Variants in SHROOM4 observed in about 807,000 individuals in gnomAD.
The protein encoded by SHROOM4 is protein Shroom4.
SHROOM4 carries 17 observed loss-of-function variants against 80.3 expected under a neutral mutation model. That is an observed-to-expected ratio of 0.21 (90% CI 0.14 to 0.32). The LOEUF (loss-of-function observed/expected upper bound fraction) is 0.32. SHROOM4 is among the 10% of genes least tolerant of loss of function. The pLI, the probability that SHROOM4 is intolerant of heterozygous loss-of-function variation, is 1.00. For missense variants in SHROOM4, 993 were observed against 1,140.3 expected (o/e 0.87, Z 1.86); for synonymous variants, 400 against 437.5 (o/e 0.91, Z 1.07).
intron 2 of SHROOM4, among the ~76,000 whole-genome samples, chrX:50,638,902 G>A (rs1203607819): frequency 8.9e-6 from 1 of 112,656 alleles, no homozygotes; most frequent in Non-Finnish European, 1.9e-5. Context: ...ACAAAGCATG[G>A]GATAGGTATT....
intron 1 of SHROOM4, among the ~76,000 whole-genome samples, chrX:50,793,143 A>G (rs1935887017): frequency 9.1e-6 from 1 of 110,142 alleles, no homozygotes; most frequent in Non-Finnish European, 1.9e-5. Context: ...AACAACATAG[A>G]TAAGTCTGGA....
At chrX:50,584,419 T>C (rs1198494917), downstream of SHROOM4, among the ~76,000 whole-genome samples, 1 of 111,695 alleles carries the variant, frequency 9.0e-6, no homozygotes, top group African/African-American at 3.3e-5. Flanking sequence ...ATGCAGAGCC[T>C]CACAGGCAAT....
chrX:50,807,939 T>A (rs1936262537), intron 1 of SHROOM4, among the ~76,000 whole-genome samples: 1 of 111,490 alleles, frequency 9.0e-6, no homozygotes, highest in African/African-American at 3.3e-5. Flanking sequence ...TCAGCTGTAT[T>A]TTTTTAAAGA....
chrX:50,696,916 A>T (rs918772477), intron 1 of SHROOM4, among the ~76,000 whole-genome samples: 2 of 112,087 alleles, frequency 1.8e-5, no homozygotes, highest in Admixed American at 9.4e-5. Context: ...CTTATGGCTA[A>T]TTTTATACAT....
chrX:50,662,561 G>A (rs1463160962), intron 2 of SHROOM4, among the ~76,000 whole-genome samples: 2 of 111,307 alleles, frequency 1.8e-5, no homozygotes, highest in African/African-American at 6.5e-5. Flanking sequence ...GCTCAACAGT[G>A]CCCAAAGCTG....
chrX:50,624,564 T>C (rs1557252689), intron 5 of SHROOM4, among the ~76,000 whole-genome samples: 1 of 110,730 alleles, frequency 9.0e-6, no homozygotes, highest in African/African-American at 3.3e-5. Flanking sequence ...TCTATGCCAA[T>C]AACATTCTCC....
chrX:50,723,049 C>T (rs1308088958), intron 1 of SHROOM4, among the ~76,000 whole-genome samples: 7 of 106,340 alleles, frequency 6.6e-5, no homozygotes, highest in Admixed American at 3.1e-4. Flanking sequence ...TTCCATTGTC[C>T]TCAAAAAGAA....
At chrX:50,784,855 T>C (rs1488227567) in intron 1 of SHROOM4, among the ~76,000 whole-genome samples, 1 of 112,011 alleles carries the variant, frequency 8.9e-6, no homozygotes, top group African/African-American at 3.2e-5. Context: ...GGAGAAAATA[T>C]TGGCAAATCT....
chrX:50,705,176 C>T (rs900911972), intron 1 of SHROOM4, among the ~76,000 whole-genome samples: 3 of 111,528 alleles, frequency 2.7e-5, no homozygotes, highest in African/African-American at 9.8e-5. Flanking sequence ...GTCCTGTTCA[C>T]ATCATGACTG....
At position 50,786,790 on chromosome X, in the gene SHROOM4, A is replaced by G. The variant is rs143282165; in HGVS notation, c.117+27112T>C. ...TATCCCAAACAAAGGGACAAAATAA[A>G]TGTCCTGGTATCATAAATTGGAGAT... On this transcript the variant is annotated intron_variant, in intron 1 of 8. Coordinates refer to ENST00000376020, the MANE Select transcript of SHROOM4 (RefSeq NM_020717.5). Among the ~76,000 whole-genome samples, 392 of 111,853 alleles carry G rather than the reference A, an allele frequency of 3.5e-3. 1 individual carries two copies. Among genetic ancestry groups the G allele is most frequent in the African/African-American group, 0.012 (358 of 30,765 alleles).
rs1172952320 is a variant in SHROOM4 at position 50,586,938 on chromosome X, C to A, written c.*9757G>T. Among the ~76,000 whole-genome samples, 1 of 111,789 alleles carries A rather than the reference C, an allele frequency of 8.9e-6. No individual in the cohort carries two copies. Among genetic ancestry groups the A allele is most frequent in the Admixed American group, 9.5e-5 (1 of 10,499 alleles). Reference sequence around the variant, plus strand: ...TTACCCTCTTTTGCAGTAAGAGCACCTGAAATCTACTCTTAGAAAATTTCC... The same window carrying A: ...TTACCCTCTTTTGCAGTAAGAGCACATGAAATCTACTCTTAGAAAATTTCC... On this transcript the variant is annotated 3_prime_UTR_variant, in exon 9 of 9. Transcript: ENST00000376020.
At chrX:50,717,355 C>T (rs1362254941) in intron 1 of SHROOM4, among the ~76,000 whole-genome samples, 3 of 111,765 alleles carry the variant, frequency 2.7e-5, no homozygotes, top group Non-Finnish European at 5.6e-5. Flanking sequence ...GTAGCTGGGA[C>T]TACAGGCGAC....
intron 2 of SHROOM4, among the ~76,000 whole-genome samples, chrX:50,656,476 C>G (rs1932309705): frequency 9.0e-6 from 1 of 111,721 alleles, no homozygotes; most frequent in Admixed American, 9.5e-5. Flanking sequence ...TGTGAATATC[C>G]AGTTTTCATG....
At chrX:50,610,545 A>G (rs1412751039) in intron 5 of SHROOM4, among the ~76,000 whole-genome samples, 41 of 111,683 alleles carry the variant, frequency 3.7e-4, no homozygotes, top group African/African-American at 1.3e-3. Context: ...ATCATATCAC[A>G]TATCTATTTT....
chrX:50,627,950 C>T (rs1361659413), intron 4 of SHROOM4, among the ~76,000 whole-genome samples: 2 of 112,114 alleles, frequency 1.8e-5, no homozygotes, highest in Non-Finnish European at 3.8e-5. Context: ...CCACTCCCCT[C>T]CCAAACCACA....
At chrX:50,808,682 C>G (rs1183091118) in intron 1 of SHROOM4, among the ~76,000 whole-genome samples, 1 of 110,437 alleles carries the variant, frequency 9.1e-6, no homozygotes, top group Non-Finnish European at 1.9e-5. Flanking sequence ...CATCCATAAC[C>G]TCCAATCTCA....
At position 50,627,692 on chromosome X, in the gene SHROOM4, T is replaced by C. The variant is rs540437538; in HGVS notation, c.2896-17A>G. ...AGGAAATTCCTGTAAAGAAAAATCCTGATAAGTTAGAAAGCTTTGAGCAGC... is the reference window on the plus strand; with the variant it reads ...AGGAAATTCCTGTAAAGAAAAATCCCGATAAGTTAGAAAGCTTTGAGCAGC... On this transcript the variant is annotated splice_polypyrimidine_tract_variant and intron_variant, in intron 4 of 8. Coordinates refer to ENST00000376020, the MANE Select transcript of SHROOM4 (RefSeq NM_020717.5). 4.5e-4 allele frequency: 537 copies of C among 1,193,028 alleles called. 1 individual carries two copies. The South Asian group carries it at 8.8e-3, about 20-fold the overall frequency.
chrX:50,655,634 A>C (rs1557259389), intron 2 of SHROOM4, among the ~76,000 whole-genome samples: 1 of 108,506 alleles, frequency 9.2e-6, no homozygotes, highest in African/African-American at 3.3e-5. Context: ...TTCATTCTTT[A>C]TTCATTCATT....
intron 1 of SHROOM4, among the ~76,000 whole-genome samples, chrX:50,782,648 G>T (rs1200912896): frequency 8.9e-6 from 1 of 111,888 alleles, no homozygotes; most frequent in Non-Finnish European, 1.9e-5. Flanking sequence ...ACATACAATC[G>T]ATACACACAA....
Sources: gnomAD v4.1 joint callset for allele counts (sites outside exome capture counted in the v4.1 genomes callset) on GRCh38, gnomAD v4.1.1 for gene constraint, MANE v1.5 for transcripts, NCBI Gene and HGNC (gene_info 2026-07-23, HGNC 2026-07-21) for gene names.